Variants in UFL1 observed in about 807,000 individuals in gnomAD.
UFL1 encodes the protein E3 UFM1-protein ligase 1.
A neutral mutation model predicts 99.3 loss-of-function variants in UFL1; 78 were observed. The ratio of observed to expected loss-of-function variants is 0.79; its 90% CI spans 0.65 to 0.95. The LOEUF is 0.95. Ranked by LOEUF, UFL1 falls within the 40% of genes least tolerant of loss-of-function variation. The pLI is 0.00. For synonymous variants in UFL1, 335 were observed against 322.2 expected (o/e 1.04, Z -0.42); for missense variants, 936 against 937.0 (o/e 1.00, Z 0.01).
chr6:96,527,549 A>G (rs1310395193), intron 5 of UFL1, among the ~76,000 whole-genome samples: 1 of 152,168 alleles, frequency 6.6e-6, no homozygotes, highest in Non-Finnish European at 1.5e-5. Flanking sequence ...AGCTTCCCTA[A>G]TTCCATTTAA....
intron 6 of UFL1, among the ~76,000 whole-genome samples, chr6:96,531,096 T>A (rs1043900160): frequency 2.0e-5 from 3 of 152,224 alleles, no homozygotes; most frequent in Non-Finnish European, 2.9e-5. Context: ...GCACGCTCTT[T>A]ATGAGAACCT....
At chr6:96,548,931 T>A (rs1770037975) in intron 13 of UFL1, among the ~76,000 whole-genome samples, 1 of 151,708 alleles carries the variant, frequency 6.6e-6, no homozygotes, top group Non-Finnish European at 1.5e-5. Context: ...TTAATATAAA[T>A]ATTTTTTGTG....
At chr6:96,552,023 G>A in intron 17 of UFL1, 100 bp downstream of exon 17, 1 of 761,278 alleles carries the variant, frequency 1.3e-6, no homozygotes, top group South Asian at 1.8e-5. Flanking sequence ...CAGAGAATAT[G>A]TACCTAATGT....
At chr6:96,540,415 A>G in intron 10 of UFL1, 120 bp from the exon 11 acceptor site, 1 of 1,267,290 alleles carries the variant, frequency 7.9e-7, no homozygotes, top group Non-Finnish European at 1.1e-6. Flanking sequence ...CTCTGAAACA[A>G]AGCTCTATAG....
intron 11 of UFL1, 152 bp downstream of exon 11, chr6:96,540,807 TAAG>T (rs1313158124): frequency 1.1e-5 from 10 of 884,436 alleles, no homozygotes; most frequent in African/African-American, 1.1e-4. Context: ...GCTAATGTGT[TAAG>T]TTTTATATAA....
rs779138931 is a variant in UFL1, at chr6:96,549,776, G to A, written c.1795G>A (p.Asp599Asn). 14 of 1,611,598 alleles carry A rather than the reference G, an allele frequency of 8.7e-6. No homozygotes were observed. The highest frequency in any genetic ancestry group is 3.3e-5 in the South Asian group (3 of 91,000). The change falls in exon 15 of 19, where the codon GAT becomes AAT. Residue 599 changes from aspartate (D) to asparagine (N), a missense_variant. Coordinates refer to ENST00000369278, the MANE Select transcript of UFL1 (RefSeq NM_015323.5). ...LASDLMMAVD[D>N]PAAITSEIRK... The stretch of plus-strand genomic sequence containing the variant: ...TTCGGATTTAATGATGGCAGTAGAC[G>A]ATCCTGCAGCCATTACAAGTGAAGT...
chr6:96,552,980 TA>T (rs1228557484), intron 18 of UFL1, among the ~76,000 whole-genome samples: 17 of 152,064 alleles, frequency 1.1e-4, no homozygotes, highest in Admixed American at 8.5e-4. Flanking sequence ...CCCTTTTAGC[TA>T]AAAAACCCCT....
chr6:96,533,052 G>A (rs1209886957), intron 6 of UFL1, among the ~76,000 whole-genome samples: 1 of 151,956 alleles, frequency 6.6e-6, no homozygotes, highest in Non-Finnish European at 1.5e-5. Context: ...CAACAATGGA[G>A]GATTGAAATG....
rs746768358 is a variant in UFL1, at chr6:96,542,925, G to A, written c.1311G>A (p.Gly437=). 5 of 1,598,046 alleles carry A rather than the reference G, an allele frequency of 3.1e-6. No individual in the cohort carries two copies. The South Asian group carries it at 4.5e-5, about 14-fold the overall frequency. Reference sequence around the variant, plus strand: ...GTGGAAGCATGAGAGGAGGAGGTGGGGGCAATGCCAGAGAGTACAAAATTA... The same window carrying A: ...GTGGAAGCATGAGAGGAGGAGGTGGAGGCAATGCCAGAGAGTACAAAATTA... ...EGSGSMRGGG[G]GNAREYKIKK... The change falls in exon 12 of 19, where the codon GGG becomes GGA. Residue 437 remains glycine, a synonymous_variant. Coordinates refer to ENST00000369278, the MANE Select transcript of UFL1 (RefSeq NM_015323.5).
At position 96,553,814 on chromosome 6, in the gene UFL1, G is replaced by A. The variant is rs1770116724; in HGVS notation, c.*311G>A. The A allele has an allele frequency of 9.0e-6, 2 of 222,308 alleles. No individual in the cohort carries two copies. Among genetic ancestry groups the A allele is most frequent in the Admixed American group, 1.0e-4 (2 of 19,238 alleles). The allele number at this position is 222,308 out of a possible 1,614,324, so 13.8% of individuals were successfully genotyped here. A position where few individuals can be genotyped will look rare whatever the true frequency, so the allele number is the denominator to read the frequency against. On this transcript the variant is annotated 3_prime_UTR_variant, in exon 19 of 19. Coordinates refer to ENST00000369278, the MANE Select transcript of UFL1 (RefSeq NM_015323.5). ...CAGGTTTGTTCTCTTTCCAAATGTT[G>A]AATGAAAAACAAATTTTCCAATCCA... is the stretch of plus-strand genomic sequence containing the variant.
At chr6:96,537,285 T>G in intron 8 of UFL1, 89 bp from the exon 9 acceptor site, 1 of 1,189,172 alleles carries the variant, frequency 8.4e-7, no homozygotes, top group Non-Finnish European at 1.1e-6. Context: ...TCTAATAACT[T>G]TATTGGCTAT....
In UFL1 at chr6:96,523,278, A is replaced by G. The variant is rs1457003759; in HGVS notation, c.210A>G (p.Leu70=). ...TTAGTAAAGAAATGAGAGATGAGCT[A>G]CATGTCCGAGGTGGTAGGTAATTCT... The part of the protein sequence containing the change: ...AQISKEMRDE[L]HVRGGRVNIV... The change falls in exon 2 of 19, where the codon CTA becomes CTG. Residue 70 remains leucine (L), a synonymous_variant. Transcript: ENST00000369278. 3 of 1,605,904 alleles carry G rather than the reference A, an allele frequency of 1.9e-6. No individual in the cohort carries two copies. Among genetic ancestry groups the G allele is most frequent in the South Asian group, 1.1e-5 (1 of 88,690 alleles).
rs1310553287 is a variant in UFL1, at chr6:96,534,308, G to C, written c.642G>C (p.Glu214Asp). ...NSLISKYGFQ[E>D]QLLYSVLEEL... Reference sequence around the variant, plus strand: ...TGATTTCAAAATATGGATTTCAGGAGCAGCTTCTTTACTGTGAGTTTGGTT... The same window carrying C: ...TGATTTCAAAATATGGATTTCAGGACCAGCTTCTTTACTGTGAGTTTGGTT... The change falls in exon 7 of 19, where the codon GAG becomes GAC. Residue 214 changes from glutamate to aspartate, a missense_variant. Transcript: ENST00000369278. 1 of 1,579,090 alleles carries C rather than the reference G, an allele frequency of 6.3e-7. No individual in the cohort carries two copies. The highest frequency in any genetic ancestry group is 2.3e-5 in the East Asian group (1 of 43,644).
In UFL1 at chr6:96,528,518, T is replaced by G; in HGVS notation, c.482T>G (p.Leu161Arg). 1 of 1,612,918 alleles carries G rather than the reference T, an allele frequency of 6.2e-7. No homozygotes were observed. The highest frequency in any genetic ancestry group is 8.5e-7 in the Non-Finnish European group (1 of 1,179,500). The part of the protein sequence containing the change: ...NFLTQALTQR[L>R]GRIISGHIDL... Reference sequence around the variant, plus strand: ...TACCCACAGGCACTAACTCAGCGACTTGGTAGAATTATCAGTGGACATATT... The same window carrying G: ...TACCCACAGGCACTAACTCAGCGACGTGGTAGAATTATCAGTGGACATATT... The change falls in exon 6 of 19, where the codon CTT becomes CGT. Residue 161 changes from leucine (L) to arginine (R), a missense_variant. Leu to Arg is a moderately radical substitution (Grantham distance 102, BLOSUM62 -2). Transcript: ENST00000369278.
chr6:96,542,761 A>G (rs1769948578), intron 11 of UFL1, 133 bp from the exon 12 acceptor site: 1 of 837,386 alleles, frequency 1.2e-6, no homozygotes, highest in Non-Finnish European at 1.7e-6. Context: ...CCAAATTTAA[A>G]AAGAGTCTAA....
At chr6:96,551,765 C>A in intron 16 of UFL1, 73 bp from the exon 17 acceptor site, 1 of 1,041,274 alleles carries the variant, frequency 9.6e-7, no homozygotes. Context: ...AATTACAAAA[C>A]AATTGTTAAA....
chr6:96,521,814 C>A lies in UFL1; in HGVS notation c.-60C>A. 1 of 1,554,014 alleles carries A rather than the reference C, an allele frequency of 6.4e-7. No individual in the cohort carries two copies. The highest frequency in any genetic ancestry group is 1.2e-5 in the South Asian group (1 of 84,616). The stretch of plus-strand genomic sequence containing the variant: ...CGCGGCCCGTTCCGCCTCTCTTCTC[C>A]CACCGCCTGTCGGCTGACGTGTCTG... On this transcript the variant is annotated 5_prime_UTR_variant, in exon 1 of 19. Coordinates refer to ENST00000369278, the MANE Select transcript of UFL1 (RefSeq NM_015323.5).
chr6:96,552,763 AT>A, intron 18 of UFL1, 101 bp downstream of exon 18: 1 of 1,083,442 alleles, frequency 9.2e-7, no homozygotes, highest in Non-Finnish European at 1.3e-6. Context: ...TATAAAATAC[AT>A]TAACATCAAA....
Position 96,523,128 on chromosome 6 carries a change from T to G in UFL1, c.78-18T>G. 6.3e-7 allele frequency: 1 copy of G among 1,582,038 alleles called. No homozygotes were observed. ...GTCTCAAGTGGACTTTTGAAACAAC[T>G]TTTTTTCTTTCCCTCAGGTTGTCCG... On this transcript the variant is annotated intron_variant, in intron 1 of 18. Coordinates refer to ENST00000369278, the MANE Select transcript of UFL1 (RefSeq NM_015323.5).
Sources: allele counts gnomAD v4.1 joint callset (sites outside exome capture counted in the v4.1 genomes callset), GRCh38; gene constraint gnomAD v4.1.1; transcripts MANE v1.5; gene names NCBI Gene and HGNC (gene_info 2026-07-23, HGNC 2026-07-21).